The following OXR1 variants were observed in gnomAD, a reference collection of about 807,000 sequenced individuals.
OXR1 encodes oxidation resistance protein 1.
A neutral mutation model predicts 104.6 loss-of-function variants in OXR1; 41 were observed. That is an observed-to-expected ratio of 0.39 (90% CI 0.31 to 0.51). The LOEUF (loss-of-function observed/expected upper bound fraction) is 0.51, where lower values mean the gene tolerates loss of function less well. Ranked by LOEUF, OXR1 falls within the 20% of genes least tolerant of loss-of-function variation. OXR1 has a pLI of 0.77. For missense variants in OXR1, 955 were observed against 1,031.9 expected, an observed-to-expected ratio of 0.93 and a Z score of 1.02; for synonymous variants, 348 against 348.4, an observed-to-expected ratio of 1.00 and a Z score of 0.01.
intron 1 of OXR1, among the ~76,000 whole-genome samples, chr8:106,339,519 AATAT>A (rs756741127): frequency 0.021 from 684 of 33,266 alleles, 22 homozygotes; most frequent in Middle Eastern, 0.056. Flanking sequence ...AAAAAAAAAA[AATAT>A]ATATATATAT....
chr8:106,656,821 TAAAAAAAAAAA>T (rs79415263), intron 3 of OXR1, among the ~76,000 whole-genome samples: 1 of 118,816 alleles, frequency 8.4e-6, no homozygotes, highest in African/African-American at 3.1e-5. Flanking sequence ...GTCAACCAGT[TAAAAAAAAAAA>T]AAAAAAAAGA....
chr8:106,388,801 G>C (rs531458749), intron 2 of OXR1, among the ~76,000 whole-genome samples: 1 of 152,202 alleles, frequency 6.6e-6, no homozygotes, highest in East Asian at 1.9e-4. Context: ...CTTGAAGCTC[G>C]TATGTTCCTG....
chr8:106,340,972 C>G (rs1586544641), intron 1 of OXR1, among the ~76,000 whole-genome samples: 1 of 152,252 alleles, frequency 6.6e-6, no homozygotes, highest in Non-Finnish European at 1.5e-5. Flanking sequence ...ATAATGTAGA[C>G]TAGGCAAATA....
At chr8:106,546,565 A>G (rs1815374028) in intron 3 of OXR1, among the ~76,000 whole-genome samples, 1 of 152,224 alleles carries the variant, frequency 6.6e-6, no homozygotes, top group African/African-American at 2.4e-5. Context: ...AAAGGGGAAA[A>G]GCGAGCTGGA....
At chr8:106,420,666 G>A (rs2130534380) in intron 2 of OXR1, among the ~76,000 whole-genome samples, 1 of 151,430 alleles carries the variant, frequency 6.6e-6, no homozygotes, top group South Asian at 2.1e-4. Context: ...AACCAGTTAA[G>A]GTATTAATAT....
chr8:106,695,960 A>G (rs909353485), intron 7 of OXR1, among the ~76,000 whole-genome samples: 21 of 151,804 alleles, frequency 1.4e-4, no homozygotes, highest in African/African-American at 4.9e-4. Flanking sequence ...ATTTGTTTCA[A>G]TCAATGAAGC....
chr8:106,669,894 A>G (rs1313472664), intron 3 of OXR1, among the ~76,000 whole-genome samples: 1 of 152,180 alleles, frequency 6.6e-6, no homozygotes, highest in African/African-American at 2.4e-5. Context: ...AAGCTAGGTA[A>G]TTCAGACTAT....
At chr8:106,459,362 C>A (rs1423804302) in intron 2 of OXR1, among the ~76,000 whole-genome samples, 2 of 152,038 alleles carry the variant, frequency 1.3e-5, no homozygotes, top group Non-Finnish European at 2.9e-5. Flanking sequence ...TATGACACAG[C>A]AAGAAGGCCC....
intron 2 of OXR1, among the ~76,000 whole-genome samples, chr8:106,480,260 C>CT (rs1444124065): frequency 2.0e-5 from 3 of 151,814 alleles, no homozygotes; most frequent in Non-Finnish European, 4.4e-5. Flanking sequence ...GCTCTGATCT[C>CT]TTTTTTTTCT....
Position 106,528,144 on chromosome 8 carries a change from C to T in OXR1, c.220+9005C>T, listed in dbSNP as rs116385660. On this transcript the variant is annotated intron_variant, in intron 3 of 16. Coordinates refer to ENST00000517566, the MANE Select transcript of OXR1 (RefSeq NM_001198533.2). The stretch of plus-strand genomic sequence containing the variant: ...TCTCCCTTCTGCTCTTTCTTCCACC[C>T]TGTTTCCTCTCTTTTTCCTTCTTTC... Among the ~76,000 whole-genome samples, 796 of 152,080 alleles carry T rather than the reference C, an allele frequency of 5.2e-3. 7 individuals are homozygous for T. The highest frequency in any genetic ancestry group is 0.018 in the African/African-American group (752 of 41,492).
At chr8:106,366,798 A>T (rs1203576070) in intron 2 of OXR1, among the ~76,000 whole-genome samples, 2 of 152,112 alleles carry the variant, frequency 1.3e-5, no homozygotes, top group African/African-American at 4.8e-5. Context: ...GGAAATGGTC[A>T]GCTTGTAAAG....
At chr8:106,336,144 A>C (rs746683913) in intron 1 of OXR1, among the ~76,000 whole-genome samples, 9 of 152,110 alleles carry the variant, frequency 5.9e-5, no homozygotes, top group Non-Finnish European at 1.3e-4. Context: ...TGTTAATCTC[A>C]TTTTCCTGAG....
At chr8:106,548,918 G>A (rs564827768) in intron 3 of OXR1, among the ~76,000 whole-genome samples, 2 of 152,176 alleles carry the variant, frequency 1.3e-5, no homozygotes, top group Non-Finnish European at 2.9e-5. Context: ...AGAATTGCTT[G>A]TCTAAACATC....
intron 4 of OXR1, 24 bp downstream of exon 4, chr8:106,679,316 G>T: frequency 1.5e-6 from 2 of 1,322,442 alleles, no homozygotes; most frequent in Admixed American, 2.0e-5. Context: ...TTTCGAAAAA[G>T]CTATTTTTCT....
intron 3 of OXR1, among the ~76,000 whole-genome samples, chr8:106,569,100 A>C (rs1817285363): frequency 6.6e-6 from 1 of 152,124 alleles, no homozygotes; most frequent in African/African-American, 2.4e-5. Flanking sequence ...ACAATTCTGC[A>C]GCATCACTTT....
chr8:106,603,461 C>A (rs1820125646), intron 3 of OXR1, among the ~76,000 whole-genome samples: 1 of 152,026 alleles, frequency 6.6e-6, no homozygotes, highest in African/African-American at 2.4e-5. Context: ...GTAGATAATA[C>A]TACCATCTTT....
chr8:106,364,029 A>G (rs1263609118), intron 2 of OXR1, among the ~76,000 whole-genome samples: 1 of 152,060 alleles, frequency 6.6e-6, no homozygotes, highest in African/African-American at 2.4e-5. Context: ...ATGTGCTGGT[A>G]ACTGGGAAAT....
chr8:106,425,494 C>T (rs373268541), intron 2 of OXR1, among the ~76,000 whole-genome samples: 5 of 152,110 alleles, frequency 3.3e-5, no homozygotes, highest in African/African-American at 7.2e-5. Flanking sequence ...TAAGTGAAGA[C>T]GATAAAAATA....
intron 1 of OXR1, among the ~76,000 whole-genome samples, chr8:106,274,289 T>C (rs1372639790): frequency 6.6e-6 from 1 of 152,198 alleles, no homozygotes; most frequent in Admixed American, 6.5e-5. Flanking sequence ...AATAAGATAC[T>C]GTTCTAATAT....
Sources: gnomAD v4.1 joint callset for allele counts (sites outside exome capture counted in the v4.1 genomes callset) on GRCh38, gnomAD v4.1.1 for gene constraint, MANE v1.5 for transcripts, NCBI Gene and HGNC (gene_info 2026-07-23, HGNC 2026-07-21) for gene names.